The following FRMD6 variants were observed in gnomAD, a reference collection of about 807,000 sequenced individuals.
The protein encoded by FRMD6 is FERM domain-containing protein 6.
Under a neutral mutation model 73.2 loss-of-function variants are expected in FRMD6, and 37 were observed. The ratio of observed to expected loss-of-function variants is 0.51; its 90% confidence interval spans 0.39 to 0.66. The LOEUF (loss-of-function observed/expected upper bound fraction) is 0.66, where lower values mean the gene tolerates loss of function less well. FRMD6 is among the 30% of genes least tolerant of loss of function. The pLI is 0.00. For synonymous variants in FRMD6, 273 were observed against 282.2 expected, an observed-to-expected ratio of 0.97 and a Z score of 0.33; for missense variants, 714 against 780.5, an observed-to-expected ratio of 0.91 and a Z score of 1.02.
chr14:51,559,415 C>G (rs1887347641), intron 1 of FRMD6, among the ~76,000 whole-genome samples: 1 of 152,106 alleles, frequency 6.6e-6, no homozygotes, highest in Admixed American at 6.5e-5. Context: ...ATTCTTTGGT[C>G]CTACCCTTGG....
chr14:51,644,951 T>A (rs1039630602), intron 2 of FRMD6, among the ~76,000 whole-genome samples: 1 of 152,218 alleles, frequency 6.6e-6, no homozygotes, highest in African/African-American at 2.4e-5. Flanking sequence ...ATGTCAAAAG[T>A]AAACATCTGA....
the FRMD6 span, among the ~76,000 whole-genome samples, chr14:51,412,833 C>G: frequency 6.6e-6 from 1 of 151,730 alleles, no homozygotes. Flanking sequence ...GTCTGGGCGA[C>G]TGAGCAAGAT....
At chr14:51,564,145 T>G (rs1189473688) in intron 1 of FRMD6, among the ~76,000 whole-genome samples, 1 of 152,188 alleles carries the variant, frequency 6.6e-6, no homozygotes, top group South Asian at 2.1e-4. Flanking sequence ...CGAGCCTCCC[T>G]TGGTCATGTT....
At chr14:51,619,707 C>T (rs1022505803) in intron 2 of FRMD6, among the ~76,000 whole-genome samples, 1 of 152,190 alleles carries the variant, frequency 6.6e-6, no homozygotes, top group Admixed American at 6.5e-5. Flanking sequence ...GAGTTTTGTG[C>T]CTTCTAGCAG....
intron 1 of FRMD6, among the ~76,000 whole-genome samples, chr14:51,685,878 G>A (rs928630544): frequency 2.6e-5 from 4 of 152,112 alleles, no homozygotes; most frequent in African/African-American, 9.7e-5. Context: ...TGTGTAACAC[G>A]AGCTGTATAA....
chr14:51,654,305 T>TGC (rs1555331551), intron 1 of FRMD6, among the ~76,000 whole-genome samples: 5 of 121,958 alleles, frequency 4.1e-5, no homozygotes, highest in Non-Finnish European at 6.8e-5. Flanking sequence ...TTAGCTGAAT[T>TGC]GGGGGGGGGG....
intron 12 of FRMD6, among the ~76,000 whole-genome samples, chr14:51,722,629 G>A (rs1897691677): frequency 6.6e-6 from 1 of 152,136 alleles, no homozygotes; most frequent in Non-Finnish European, 1.5e-5. Context: ...TAGAAAACAT[G>A]CATTCCCTAT....
the FRMD6 span, among the ~76,000 whole-genome samples, chr14:51,397,406 C>G: frequency 6.6e-6 from 1 of 152,116 alleles, no homozygotes; most frequent in Non-Finnish European, 1.5e-5. Flanking sequence ...CCCTTTGACA[C>G]CACACTATGG....
At chr14:51,569,048 G>A (rs572023669) in intron 1 of FRMD6, among the ~76,000 whole-genome samples, 16 of 151,946 alleles carry the variant, frequency 1.1e-4, no homozygotes, top group African/African-American at 3.6e-4. Flanking sequence ...TTTTCACCAC[G>A]TTGGCCAGGC....
At position 51,704,676 on chromosome 14, in the gene FRMD6, G is replaced by T; in HGVS notation, c.372-73G>T. 4 of 1,245,250 alleles carry T rather than the reference G, an allele frequency of 3.2e-6. No homozygotes were observed. In the South Asian group the frequency reaches 5.6e-5, roughly 17 times the overall value. The allele number at this position is 1,245,250 out of a possible 1,614,324, so 77.1% of individuals were successfully genotyped here. Reference sequence around the variant, plus strand: ...GTTCCTGTCACCAGATGGAGAGAAGGATTTGGGTTCTGTTTACATGTCATT... The same window carrying T: ...GTTCCTGTCACCAGATGGAGAGAAGTATTTGGGTTCTGTTTACATGTCATT... On this transcript the variant is annotated intron_variant, in intron 5 of 13. Transcript: ENST00000344768.
chr14:51,670,087 A>G (rs1893890156), intron 1 of FRMD6, among the ~76,000 whole-genome samples: 1 of 151,906 alleles, frequency 6.6e-6, no homozygotes, highest in East Asian at 1.9e-4. Context: ...TTTAATTTTA[A>G]TTTTTTTAGA....
intron 1 of FRMD6, among the ~76,000 whole-genome samples, chr14:51,686,377 C>A (rs1021486855): frequency 5.9e-5 from 9 of 151,942 alleles, no homozygotes; most frequent in Non-Finnish European, 1.0e-4. Flanking sequence ...GCTTTTTTCC[C>A]ACAATTTGTT....
At chr14:51,704,975 G>C (rs760480384) in intron 6 of FRMD6, 40 bp downstream of exon 6, 1 of 1,558,448 alleles carries the variant, frequency 6.4e-7, no homozygotes, top group Admixed American at 1.8e-5. Context: ...GTTTTCTCTC[G>C]GGCATTTCTA....
chr14:51,685,511 A>G (rs1236436013), intron 1 of FRMD6, among the ~76,000 whole-genome samples: 2 of 152,234 alleles, frequency 1.3e-5, no homozygotes, highest in African/African-American at 2.4e-5. Flanking sequence ...CAGGTGTTGA[A>G]TGAAAGAATG....
the FRMD6 span, among the ~76,000 whole-genome samples, chr14:51,412,817 A>G: frequency 8.8e-3 from 1,339 of 151,960 alleles, 23 homozygotes; most frequent in African/African-American, 0.029. Flanking sequence ...GCACCACTGC[A>G]CTCCAGTCTG....
chr14:51,479,246 C>T, the FRMD6 span, among the ~76,000 whole-genome samples: 4 of 152,162 alleles, frequency 2.6e-5, no homozygotes, highest in South Asian at 2.1e-4. Context: ...CATCATTGTG[C>T]GCTAAAGGGT....
upstream of FRMD6, among the ~76,000 whole-genome samples, chr14:51,484,382 A>T (rs1882723969): frequency 6.6e-6 from 1 of 152,174 alleles, no homozygotes; most frequent in Non-Finnish European, 1.5e-5. Flanking sequence ...AGAAAACTTG[A>T]CTACCACCAC....
At chr14:51,668,533 T>G (rs1431124896) in intron 1 of FRMD6, among the ~76,000 whole-genome samples, 1 of 152,074 alleles carries the variant, frequency 6.6e-6, no homozygotes, top group East Asian at 1.9e-4. Context: ...CTTGAACCCC[T>G]GGCCTCAAGT....
chr14:51,442,151 G>T, the FRMD6 span, among the ~76,000 whole-genome samples: 1 of 152,128 alleles, frequency 6.6e-6, no homozygotes, highest in East Asian at 1.9e-4. Context: ...AATCTTAAAA[G>T]CATTTGTGGA....
Sources: gnomAD v4.1 joint callset for allele counts (sites outside exome capture counted in the v4.1 genomes callset) on GRCh38, gnomAD v4.1.1 for gene constraint, MANE v1.5 for transcripts, NCBI Gene and HGNC (gene_info 2026-07-23, HGNC 2026-07-21) for gene names.